ACTR8: variants seen among roughly 807,000 people sequenced by gnomAD.
ACTR8 encodes actin related protein 8.
In ACTR8, 70 loss-of-function variants were observed where a neutral mutation model predicts 84.3. That is an observed-to-expected ratio of 0.83 (90% confidence interval 0.68 to 1.01). The LOEUF (loss-of-function observed/expected upper bound fraction) is 1.01, where lower values mean the gene tolerates loss of function less well. Ranked by LOEUF, ACTR8 falls within the 50% of genes least tolerant of loss-of-function variation. The probability of loss-of-function intolerance (pLI) is 0.00; values close to 1 mark genes in which losing one functional copy is unlikely to be tolerated. For missense variants in ACTR8, 672 were observed against 775.4 expected (o/e 0.87, Z 1.58); for synonymous variants, 268 against 275.2 (o/e 0.97, Z 0.26).
At chr3:53,865,159 A>G, downstream of ACTR8, 4 of 1,614,194 alleles carry the variant, frequency 2.5e-6, no homozygotes, top group Non-Finnish European at 3.4e-6. Flanking sequence ...GATTGATACA[A>G]AAGACGATTA....
In ACTR8 at chr3:53,882,115, A is replaced by C; in HGVS notation, c.-14T>G. On this transcript the variant is annotated 5_prime_UTR_variant, in exon 1 of 13. Transcript: ENST00000335754. ...AGCCTGGGTCATTATGGCCGGAGAC[A>C]CCCACCAACCTCTCGCCTCAGCGCT... 2 of 1,551,118 alleles carry C rather than the reference A, an allele frequency of 1.3e-6. No homozygotes were observed. The highest frequency in any genetic ancestry group is 2.7e-5 in the African/African-American group (2 of 73,106).
At chr3:53,859,501 G>A in the ACTR8 span, 1 of 152,512 alleles carries the variant, frequency 6.6e-6, no homozygotes, top group Non-Finnish European at 1.5e-5. Context: ...CTGTGCCTGA[G>A]CTTACCTGAT....
At position 53,872,446 on chromosome 3, in the gene ACTR8, CCT is replaced by C. The variant is rs1699898487; in HGVS notation, c.1238_1239del (p.Gln413ArgfsTer4). 6.2e-7 allele frequency: 1 copy of C among 1,611,698 alleles called. No individual in the cohort carries two copies. Among genetic ancestry groups the C allele is most frequent in the Non-Finnish European group, 8.5e-7 (1 of 1,179,182 alleles). ...TCATCGTGAGGATCCTCAGGATCGC[CCT>C]GAGATCTGTGCTGCAAAGTCGTCAT... The part of the protein sequence containing the change: ...QKMTTLQHRS[Q>X]GDPEDPHDEH... On this transcript the variant is annotated frameshift_variant, in exon 10 of 13. Transcript: ENST00000335754. LOFTEE classifies it high-confidence loss of function.
At chr3:53,863,192 C>T (rs1217659749), downstream of ACTR8, among the ~76,000 whole-genome samples, 1 of 152,166 alleles carries the variant, frequency 6.6e-6, no homozygotes, top group Non-Finnish European at 1.5e-5. Context: ...GGTAAGACTT[C>T]CAGTCAACAG....
intron 7 of ACTR8, 137 bp downstream of exon 7, chr3:53,875,811 A>G: frequency 7.6e-7 from 1 of 1,317,364 alleles, no homozygotes; most frequent in Non-Finnish European, 1.0e-6. Context: ...GCACTTCCAT[A>G]ATCTTGCTGG....
At chr3:53,872,688 T>C (rs956775124) in intron 9 of ACTR8, among the ~76,000 whole-genome samples, 164 bp from the exon 10 acceptor site, 3 of 152,216 alleles carry the variant, frequency 2.0e-5, no homozygotes, top group Admixed American at 6.5e-5. Flanking sequence ...TGGTGCACCA[T>C]AGGCCAGAAA....
rs1214628277 is a variant in ACTR8 at position 53,882,042 on chromosome 3, C to G, written c.60G>C (p.Glu20Asp). 1.3e-6 allele frequency: 2 copies of G among 1,551,622 alleles called. No individual in the cohort carries two copies. The highest frequency in any genetic ancestry group is 2.7e-5 in the African/African-American group (2 of 73,056). The change falls in exon 1 of 13, where the codon GAG becomes GAC. Residue 20 changes from glutamate to aspartate, a missense_variant. By Grantham distance (45) the Glu-to-Asp change is conservative. Coordinates refer to ENST00000335754, the MANE Select transcript of ACTR8 (RefSeq NM_022899.5). ...GCCGCTTCACGCCGCGCTGCTCCTTCTCCTTCTCGCCGCCCTTCTCCTTTC... is the reference window on the plus strand; with the variant it reads ...GCCGCTTCACGCCGCGCTGCTCCTTGTCCTTCTCGCCGCCCTTCTCCTTTC... ...ENGKEKGGEK[E>D]KEQRGVKRPI...
rs565767783 is a variant in ACTR8, at chr3:53,869,106, G to C, written c.1732-244C>G. Among the ~76,000 whole-genome samples, 11 of 152,250 alleles carry C rather than the reference G, an allele frequency of 7.2e-5. No homozygotes were observed. In the South Asian group the frequency reaches 1.7e-3, roughly 23 times the overall value. ...ACCATCCTGGCTAACACGGTGGAAT[G>C]CCGCCTCTACTAAAAATACAAAAAA... On this transcript the variant is annotated intron_variant, in intron 12 of 12. Coordinates refer to ENST00000335754, the MANE Select transcript of ACTR8 (RefSeq NM_022899.5).
At chr3:53,862,714 A>T (rs187894028), downstream of ACTR8, among the ~76,000 whole-genome samples, 111 of 152,342 alleles carry the variant, frequency 7.3e-4, no homozygotes, top group African/African-American at 2.6e-3. Flanking sequence ...AATCGACATT[A>T]AACAATCTGG....
intron 12 of ACTR8, among the ~76,000 whole-genome samples, chr3:53,869,754 A>C (rs1374935677): frequency 1.3e-5 from 2 of 152,190 alleles, no homozygotes. Flanking sequence ...GGTGGAATTC[A>C]GTCATGCTAG....
At chr3:53,876,195 G>T in intron 6 of ACTR8, 115 bp from the exon 7 acceptor site, 1 of 1,275,640 alleles carries the variant, frequency 7.8e-7, no homozygotes, top group Non-Finnish European at 1.1e-6. Context: ...GGCATCTGAG[G>T]AACACTGATC....
chr3:53,879,853 G>A lies in ACTR8; in HGVS notation c.294+86C>T, dbSNP rs1576868813. The A allele has an allele frequency of 2.3e-6, 3 of 1,300,450 alleles. No homozygotes were observed. The Admixed American group carries it at 7.1e-5, about 31-fold the overall frequency. 80.6% of individuals were successfully genotyped at this position (1,300,450 alleles called of 1,614,324 possible). On this transcript the variant is annotated intron_variant, in intron 2 of 12. Coordinates refer to ENST00000335754, the MANE Select transcript of ACTR8 (RefSeq NM_022899.5). Reference sequence around the variant, plus strand: ...TAAAACACAGCAAAGCTATGAAGATGTTTCTTTAAGATTCTGGTGTACTTG... The same window carrying A: ...TAAAACACAGCAAAGCTATGAAGATATTTCTTTAAGATTCTGGTGTACTTG...
chr3:53,865,494 A>G, downstream of ACTR8: 7 of 545,478 alleles, frequency 1.3e-5, no homozygotes, highest in South Asian at 5.7e-5. Flanking sequence ...TGGAAACTAC[A>G]TTTACAACTT....
intron 8 of ACTR8, among the ~76,000 whole-genome samples, chr3:53,873,542 A>G (rs1317692639): frequency 6.6e-6 from 1 of 152,174 alleles, no homozygotes; most frequent in East Asian, 1.9e-4. Flanking sequence ...ATTGTTTGCA[A>G]TATTAAGAAA....
In ACTR8 at chr3:53,877,272, T is replaced by C; in HGVS notation, c.626A>G (p.Glu209Gly). Reference sequence around the variant, plus strand: ...TTGTATCGCATGAGACCATATTACTTCAATATCTGCCAGAACAGCTGTAAG... The same window carrying C: ...TTGTATCGCATGAGACCATATTACTCCAATATCTGCCAGAACAGCTGTAAG... The part of the protein sequence containing the change: ...GSLTAVLADI[E>G]VIWSHAIQKY... The change falls in exon 5 of 13, where the codon GAA (glutamate) becomes GGA (glycine). Residue 209 changes from glutamate (E) to glycine (G), a missense_variant. Glu to Gly is a moderately conservative substitution (Grantham distance 98). Transcript: ENST00000335754. 5.0e-6 allele frequency: 8 copies of C among 1,614,016 alleles called. No homozygotes were observed. The highest frequency in any genetic ancestry group is 6.8e-6 in the Non-Finnish European group (8 of 1,179,976).
the ACTR8 span, chr3:53,861,302 T>A: frequency 6.6e-6 from 1 of 152,080 alleles, no homozygotes; most frequent in Non-Finnish European, 1.5e-5. Context: ...AAAACTTTTT[T>A]TTTTCATTAC....
intron 12 of ACTR8, 102 bp downstream of exon 12, chr3:53,869,880 A>C: frequency 7.2e-7 from 1 of 1,397,264 alleles, no homozygotes; most frequent in Non-Finnish European, 9.7e-7. Context: ...AGCCCTCAAG[A>C]ACTCCTCAGA....
Position 53,872,536 on chromosome 3 carries a change from GA to G in ACTR8, c.1162-13del. On this transcript the variant is annotated splice_polypyrimidine_tract_variant and intron_variant, in intron 9 of 12. Transcript: ENST00000335754. ...AAAGCCATTGGAGCCTGTACATGAA[GA>G]AAAAGAGTGATCAACAAAAGATACT... The G allele has an allele frequency of 6.4e-7, 1 of 1,567,438 alleles. No individual in the cohort carries two copies. The highest frequency in any genetic ancestry group is 8.6e-7 in the Non-Finnish European group (1 of 1,163,488).
the ACTR8 span, chr3:53,861,222 G>A: frequency 6.6e-6 from 1 of 151,840 alleles, no homozygotes; most frequent in South Asian, 2.1e-4. Context: ...AACACCTTAG[G>A]ACCCATACGA....
Sources: allele counts gnomAD v4.1 joint callset (sites outside exome capture counted in the v4.1 genomes callset), GRCh38; gene constraint gnomAD v4.1.1; transcripts MANE v1.5; gene names NCBI Gene and HGNC (gene_info 2026-07-23, HGNC 2026-07-21).